AGPAT3: variants seen among roughly 807,000 people sequenced by gnomAD.
The protein encoded by AGPAT3 is 1-acyl-sn-glycerol-3-phosphate acyltransferase gamma.
Under a neutral mutation model 47.3 loss-of-function variants are expected in AGPAT3, and 5 were observed. That is an observed-to-expected ratio of 0.11 (90% CI 0.06 to 0.22). The LOEUF is 0.22. AGPAT3 is among the 10% of genes least tolerant of loss of function. The probability of loss-of-function intolerance (pLI) is 1.00; values close to 1 mark genes in which losing one functional copy is unlikely to be tolerated. For synonymous variants in AGPAT3, 212 were observed against 208.3 expected, an observed-to-expected ratio of 1.02 and a Z score of -0.15; for missense variants, 315 against 493.0, an observed-to-expected ratio of 0.64 and a Z score of 3.42.
chr21:43,884,238 C>G (rs1393140128), intron 1 of AGPAT3, among the ~76,000 whole-genome samples: 2 of 151,054 alleles, frequency 1.3e-5, no homozygotes, highest in Non-Finnish European at 3.0e-5. Context: ...CTCCTCTTCC[C>G]CACCCGCTTC....
chr21:43,985,075 C>G lies in AGPAT3; in HGVS notation c.*2683C>G, dbSNP rs747715014. The G allele has an allele frequency of 4.4e-6, 2 of 455,794 alleles. No homozygotes were observed. 28.2% of individuals were successfully genotyped at this position (455,794 alleles called of 1,614,324 possible). ...GCTCCCAGGCGGGAGGGCCCAGGCCCACCCACGGGCGTCTGGCCGGTCAAG... is the reference window on the plus strand; with the variant it reads ...GCTCCCAGGCGGGAGGGCCCAGGCCGACCCACGGGCGTCTGGCCGGTCAAG... On this transcript the variant is annotated 3_prime_UTR_variant, in exon 10 of 10. Coordinates refer to ENST00000291572, the MANE Select transcript of AGPAT3 (RefSeq NM_020132.5).
At chr21:43,938,747 G>A (rs960795894) in intron 2 of AGPAT3, among the ~76,000 whole-genome samples, 17 of 152,192 alleles carry the variant, frequency 1.1e-4, no homozygotes, top group African/African-American at 3.6e-4. Flanking sequence ...ACTTAGCAGC[G>A]AAAACAGCAG....
intron 6 of AGPAT3, 73 bp from the exon 7 acceptor site, chr21:43,971,315 C>A: frequency 7.2e-7 from 1 of 1,392,790 alleles, no homozygotes; most frequent in Non-Finnish European, 1.0e-6. Flanking sequence ...CCAGGTGGAA[C>A]TTGCTTTTCC....
rs567516006 is a variant in AGPAT3 at position 43,943,446 on chromosome 21, C to T, written c.-48-16188C>T. Reference sequence around the variant, plus strand: ...TGCCGTCCCATAGGATTTTATCGATCACCTACTGTATACCAGGCACTGGCT... The same window carrying T: ...TGCCGTCCCATAGGATTTTATCGATTACCTACTGTATACCAGGCACTGGCT... On this transcript the variant is annotated intron_variant, in intron 2 of 9. Transcript: ENST00000291572. Among the ~76,000 whole-genome samples, 3 of 152,334 alleles carry T rather than the reference C, an allele frequency of 2.0e-5. No homozygotes were observed. The East Asian group carries it at 5.8e-4, about 29-fold the overall frequency.
rs547813854 is a variant in AGPAT3, at chr21:43,871,710, G to A, written c.-112+6365G>A. Among the ~76,000 whole-genome samples the A allele has an allele frequency of 7.2e-5, 11 of 152,236 alleles. No homozygotes were observed. In the East Asian group the frequency reaches 1.7e-3, roughly 24 times the overall value. On this transcript the variant is annotated intron_variant, in intron 1 of 9. Transcript: ENST00000291572. The stretch of plus-strand genomic sequence containing the variant: ...TTCCCTGTGAAGTTCCTGTTCATGT[G>A]CTTCATCCATTTTTCTTTTGGGTGA...
chr21:43,935,589 G>A (rs1601351858), intron 2 of AGPAT3, among the ~76,000 whole-genome samples: 1 of 152,250 alleles, frequency 6.6e-6, no homozygotes, highest in Non-Finnish European at 1.5e-5. Context: ...GAGACCTGAG[G>A]CCGGGCCCAC....
intron 2 of AGPAT3, among the ~76,000 whole-genome samples, chr21:43,942,662 G>A (rs1055302909): frequency 2.0e-5 from 3 of 152,226 alleles, no homozygotes; most frequent in African/African-American, 4.8e-5. Flanking sequence ...GGCTCCGAAT[G>A]CTGAGAAAAC....
chr21:43,958,289 G>A (rs191276350), intron 2 of AGPAT3, among the ~76,000 whole-genome samples: 2 of 152,100 alleles, frequency 1.3e-5, no homozygotes, highest in East Asian at 3.9e-4. Flanking sequence ...GTGTGTGTGA[G>A]ACTGTGGTGC....
chr21:43,872,117 C>A (rs897873896), intron 1 of AGPAT3, among the ~76,000 whole-genome samples: 7 of 151,822 alleles, frequency 4.6e-5, no homozygotes, highest in Non-Finnish European at 8.8e-5. Flanking sequence ...TTCCACCTGA[C>A]ACTCTGTGCT....
rs2088364326 is a variant in AGPAT3 at position 43,954,825 on chromosome 21, G to A, written c.-48-4809G>A. 1 of 170,182 alleles carries A rather than the reference G, an allele frequency of 5.9e-6. No homozygotes were observed. The highest frequency in any genetic ancestry group is 1.3e-5 in the Non-Finnish European group (1 of 79,768). 10.5% of individuals were successfully genotyped at this position (170,182 alleles called of 1,614,324 possible). ...CTGGACCCAAGACGCCAGAGTTCCG[G>A]GGGCACTGAGTGCTGTGTGGCACCC... On this transcript the variant is annotated intron_variant, in intron 2 of 9. Transcript: ENST00000291572. The surrounding 1 kb of genome is among the most constrained non-coding windows in gnomAD (Gnocchi z 4.0).
intron 2 of AGPAT3, among the ~76,000 whole-genome samples, chr21:43,935,947 C>T (rs9983066): frequency 0.28 from 42,746 of 152,140 alleles, 6,380 homozygotes; most frequent in South Asian, 0.35. Flanking sequence ...TCCCTGATGG[C>T]GGCTCGAGTC....
chr21:43,961,975 T>G (rs531499596), intron 3 of AGPAT3, among the ~76,000 whole-genome samples: 2 of 152,122 alleles, frequency 1.3e-5, no homozygotes, highest in East Asian at 3.9e-4. Flanking sequence ...AAATGTGTTA[T>G]AGCTTCAGTT....
At chr21:43,904,686 C>T (rs377567155) in intron 2 of AGPAT3, among the ~76,000 whole-genome samples, 22 of 152,138 alleles carry the variant, frequency 1.4e-4, no homozygotes, top group African/African-American at 4.1e-4. Flanking sequence ...TGCAGCCCGT[C>T]GTCATAGGGC....
At chr21:43,947,359 G>GGA (rs2087941650) in intron 2 of AGPAT3, among the ~76,000 whole-genome samples, 1 of 152,258 alleles carries the variant, frequency 6.6e-6, no homozygotes, top group African/African-American at 2.4e-5. Flanking sequence ...CAAAGCTGCA[G>GGA]TCAGGAGAGC....
chr21:43,946,693 T>C (rs2087906491), intron 2 of AGPAT3, among the ~76,000 whole-genome samples: 1 of 152,224 alleles, frequency 6.6e-6, no homozygotes, highest in African/African-American at 2.4e-5. Flanking sequence ...GTAAAAGTAG[T>C]TATTATAACG....
At chr21:43,896,943 G>A (rs934658063) in intron 1 of AGPAT3, among the ~76,000 whole-genome samples, 12 of 42,340 alleles carry the variant, frequency 2.8e-4, no homozygotes, top group Non-Finnish European at 4.9e-4. Flanking sequence ...TTGACAGTCC[G>A]TTTTTTTTTT....
At chr21:43,958,855 T>G (rs2146601278) in intron 2 of AGPAT3, among the ~76,000 whole-genome samples, 1 of 122,514 alleles carries the variant, frequency 8.2e-6, no homozygotes, top group Non-Finnish European at 1.7e-5. Context: ...CATGTGTGGT[T>G]TGCGGTGTGT....
At chr21:43,925,619 T>C (rs981585599) in intron 2 of AGPAT3, among the ~76,000 whole-genome samples, 1 of 152,214 alleles carries the variant, frequency 6.6e-6, no homozygotes, top group African/African-American at 2.4e-5. Context: ...GGCTGGACTC[T>C]TCCTCAGCCC....
intron 1 of AGPAT3, among the ~76,000 whole-genome samples, chr21:43,882,863 C>G (rs2085883638): frequency 6.6e-6 from 1 of 152,178 alleles, no homozygotes; most frequent in Non-Finnish European, 1.5e-5. Context: ...TCTCCATCCT[C>G]AGGGGCCTGG....
Sources: gnomAD v4.1 joint callset for allele counts (sites outside exome capture counted in the v4.1 genomes callset) on GRCh38, gnomAD v4.1.1 for gene constraint, Gnocchi (gnomAD v3.1) non-coding constraint, MANE v1.5 for transcripts, NCBI Gene and HGNC (gene_info 2026-07-23, HGNC 2026-07-21) for gene names.